C8orf34: variants seen among roughly 807,000 people sequenced by gnomAD.
C8orf34 encodes the protein uncharacterized protein C8orf34.
Under a neutral mutation model 68.3 loss-of-function variants are expected in C8orf34, and 65 were observed. That is an observed-to-expected ratio of 0.95 (90% CI 0.78 to 1.17). The LOEUF is 1.17. C8orf34 is among the 50% of genes most tolerant of loss of function. The pLI is 0.00. For missense variants in C8orf34, 664 were observed against 655.4 expected (o/e 1.01, Z -0.14); for synonymous variants, 244 against 241.2 (o/e 1.01, Z -0.11).
intron 7 of C8orf34, among the ~76,000 whole-genome samples, chr8:68,638,892 A>G (rs1818922490): frequency 6.6e-6 from 1 of 152,166 alleles, no homozygotes; most frequent in African/African-American, 2.4e-5. Context: ...ACGGTTTTCA[A>G]TGGCAGTTCT....
chr8:68,652,305 T>G (rs538201277), intron 8 of C8orf34, among the ~76,000 whole-genome samples: 19 of 152,240 alleles, frequency 1.2e-4, no homozygotes, highest in Non-Finnish European at 2.6e-4. Context: ...ATTTATACAT[T>G]ATGTATCTAG....
intron 5 of C8orf34, among the ~76,000 whole-genome samples, chr8:68,520,664 C>T (rs1329154538): frequency 1.3e-4 from 20 of 150,948 alleles, no homozygotes; most frequent in African/African-American, 4.1e-4. Context: ...GGGGTTTCAC[C>T]GTGTTAGCCA....
chr8:68,631,309 G>C (rs576175122), intron 7 of C8orf34, among the ~76,000 whole-genome samples: 33 of 152,034 alleles, frequency 2.2e-4, no homozygotes, highest in Non-Finnish European at 4.4e-4. Context: ...TCCCCACTAT[G>C]TTGCCAGGCT....
chr8:68,713,074 T>C (rs766741128), intron 9 of C8orf34, among the ~76,000 whole-genome samples: 2 of 152,082 alleles, frequency 1.3e-5, no homozygotes, highest in Non-Finnish European at 1.5e-5. Context: ...TCAATGATCA[T>C]TGGGTCAACA....
chr8:68,361,066 C>A (rs182042143), intron 1 of C8orf34, among the ~76,000 whole-genome samples: 52 of 152,060 alleles, frequency 3.4e-4, no homozygotes, highest in Non-Finnish European at 5.9e-4. Context: ...CCCCTTTTTT[C>A]TATAATGTCC....
rs560200357 is a variant in C8orf34 at position 68,621,921 on chromosome 8, G to A, written c.1106-18455G>A. Among the ~76,000 whole-genome samples, 3 of 152,294 alleles carry A rather than the reference G, an allele frequency of 2.0e-5. No homozygotes were observed. The East Asian group carries it at 5.8e-4, about 29-fold the overall frequency. Reference sequence around the variant, plus strand: ...CCATTTATTATCCCACAGTGTCTGTGGGTCAGGACTCTAGGCACAGCTTAA... The same window carrying A: ...CCATTTATTATCCCACAGTGTCTGTAGGTCAGGACTCTAGGCACAGCTTAA... On this transcript the variant is annotated intron_variant, in intron 7 of 13. Coordinates refer to ENST00000518698, the MANE Select transcript of C8orf34 (RefSeq NM_052958.4).
chr8:68,745,964 A>C (rs1414995126), intron 10 of C8orf34, among the ~76,000 whole-genome samples: 2 of 152,126 alleles, frequency 1.3e-5, no homozygotes, highest in African/African-American at 2.4e-5. Context: ...ACCTATTCCA[A>C]AATTGACCAC....
intron 7 of C8orf34, among the ~76,000 whole-genome samples, chr8:68,561,714 C>T (rs552922574): frequency 7.9e-5 from 12 of 152,162 alleles, no homozygotes; most frequent in African/African-American, 2.4e-4. Context: ...GCCAAGACTG[C>T]GACACTGCAT....
intron 1 of C8orf34, among the ~76,000 whole-genome samples, chr8:68,413,170 G>A (rs768792861): frequency 6.6e-6 from 1 of 152,118 alleles, no homozygotes; most frequent in Non-Finnish European, 1.5e-5. Flanking sequence ...TAGTTCAATT[G>A]CTCTTGCAGA....
Position 68,451,804 on chromosome 8 carries a change from C to T in C8orf34, c.607+5344C>T, listed in dbSNP as rs141973714. On this transcript the variant is annotated intron_variant, in intron 3 of 13. Coordinates refer to ENST00000518698, the MANE Select transcript of C8orf34 (RefSeq NM_052958.4). ...CAAAATATTACACAGAGGCACAAAA[C>T]GAGCACATGCTGTTGGAAAAATTAA... Among the ~76,000 whole-genome samples, 357 of 151,938 alleles carry T rather than the reference C, an allele frequency of 2.3e-3. 2 individuals are homozygous for T. Among genetic ancestry groups the T allele is most frequent in the African/African-American group, 7.2e-3 (300 of 41,464 alleles).
At chr8:68,648,868 A>G (rs1819258636) in intron 8 of C8orf34, among the ~76,000 whole-genome samples, 2 of 152,230 alleles carry the variant, frequency 1.3e-5, no homozygotes, top group Non-Finnish European at 2.9e-5. Flanking sequence ...ATAAAGCACA[A>G]GTAGATCACT....
At chr8:68,534,718 T>A in intron 7 of C8orf34, 1 of 985,410 alleles carries the variant, frequency 1.0e-6, no homozygotes, top group Non-Finnish European at 1.2e-6. Context: ...TGTAAATGGT[T>A]CCTCTGCTTT....
At chr8:68,397,140 G>T (rs1213711228) in intron 1 of C8orf34, among the ~76,000 whole-genome samples, 1 of 151,872 alleles carries the variant, frequency 6.6e-6, no homozygotes. Context: ...TGAGTAGCTG[G>T]GATTATAGGA....
At chr8:68,527,445 G>C (rs575682305) in intron 6 of C8orf34, among the ~76,000 whole-genome samples, 1 of 152,086 alleles carries the variant, frequency 6.6e-6, no homozygotes. Flanking sequence ...GGTGGTGGGC[G>C]CCTGTAGTCC....
intron 12 of C8orf34, among the ~76,000 whole-genome samples, chr8:68,812,675 AATAG>A (rs1489896932): frequency 6.6e-6 from 1 of 152,198 alleles, no homozygotes; most frequent in Admixed American, 6.5e-5. Flanking sequence ...ACATATACTT[AATAG>A]ATATTTATGC....
intron 1 of C8orf34, among the ~76,000 whole-genome samples, chr8:68,365,765 C>T (rs1315174113): frequency 3.5e-5 from 2 of 56,790 alleles, no homozygotes; most frequent in Admixed American, 3.3e-4. Flanking sequence ...TAAGAGCTAT[C>T]TATGACAAAC....
intron 7 of C8orf34, among the ~76,000 whole-genome samples, chr8:68,579,434 GGCCCTCTTGGCTTTGCT>G: frequency 6.6e-6 from 1 of 152,004 alleles, no homozygotes; most frequent in South Asian, 2.1e-4. Flanking sequence ...CTTTAGATTT[GGCCCTCTTGGCTTTGCT>G]GCTCCCCAGA....
intron 10 of C8orf34, 105 bp from the exon 11 acceptor site, chr8:68,776,294 T>C: frequency 2.5e-6 from 2 of 786,764 alleles, no homozygotes; most frequent in South Asian, 3.2e-5. Context: ...GGTGGGAGAA[T>C]AGCAAATATT....
chr8:68,606,503 A>G (rs1307859543), intron 7 of C8orf34, among the ~76,000 whole-genome samples: 1 of 152,164 alleles, frequency 6.6e-6, no homozygotes, highest in Admixed American at 6.6e-5. Flanking sequence ...TGGCTTTCTA[A>G]TAATCAGAGG....
Sources: gnomAD v4.1 joint callset for allele counts (sites outside exome capture counted in the v4.1 genomes callset) on GRCh38, gnomAD v4.1.1 for gene constraint, MANE v1.5 for transcripts, NCBI Gene and HGNC (gene_info 2026-07-23, HGNC 2026-07-21) for gene names.